RAB6B: variants seen among roughly 807,000 people sequenced by gnomAD.
RAB6B encodes RAB6B, member RAS oncogene family.
RAB6B carries 7 observed loss-of-function variants against 31.2 expected under a neutral mutation model. The ratio of observed to expected loss-of-function variants is 0.22; its 90% confidence interval spans 0.13 to 0.42. RAB6B has a LOEUF of 0.42. Among genes scored for constraint, RAB6B ranks in the 10% least tolerant of loss-of-function variants. The pLI is 1.00. For missense variants in RAB6B, 149 were observed against 280.6 expected (o/e 0.53, Z 3.35); for synonymous variants, 105 against 104.9 (o/e 1.00, Z -0.01).
At position 133,826,615 on chromosome 3, in the gene RAB6B, T is replaced by C. The variant is rs1935567562; in HGVS notation, c.*2173A>G. 6.5e-6 allele frequency: 1 copy of C among 152,678 alleles called. No individual in the cohort carries two copies. Among genetic ancestry groups the C allele is most frequent in the Non-Finnish European group, 1.5e-5 (1 of 68,064 alleles). The allele number at this position is 152,678 out of a possible 1,614,324, so 9.5% of individuals were successfully genotyped here. A position where few individuals can be genotyped will look rare whatever the true frequency, so the allele number is the denominator to read the frequency against. On this transcript the variant is annotated 3_prime_UTR_variant, in exon 8 of 8. Transcript: ENST00000285208. ...CAAGCACCACTTGGGGGTGTGCCCA[T>C]GGTGGGGGGACACTGGCCCACACAG...
rs963708664 is a variant in RAB6B, at chr3:133,828,521, T to A, written c.*267A>T. Reference sequence around the variant, plus strand: ...GTATACACATGATTTAAATTTTTTTTAAATTTTAACAGTTTTTGGCAATCT... The same window carrying A: ...GTATACACATGATTTAAATTTTTTTAAAATTTTAACAGTTTTTGGCAATCT... On this transcript the variant is annotated 3_prime_UTR_variant, in exon 8 of 8. Coordinates refer to ENST00000285208, the MANE Select transcript of RAB6B (RefSeq NM_016577.4). The A allele has an allele frequency of 7.7e-5, 37 of 482,192 alleles. No individual in the cohort carries two copies. Among genetic ancestry groups the A allele is most frequent in the South Asian group, 7.0e-4 (23 of 32,682 alleles). 29.9% of individuals were successfully genotyped at this position (482,192 alleles called of 1,614,324 possible). A position where few individuals can be genotyped will look rare whatever the true frequency, so the allele number is the denominator to read the frequency against.
At chr3:133,862,167 C>G (rs948825629) in intron 2 of RAB6B, among the ~76,000 whole-genome samples, 2 of 151,768 alleles carry the variant, frequency 1.3e-5, no homozygotes, top group Non-Finnish European at 2.9e-5. Context: ...ATGGGGAGGG[C>G]AGTCCTCTCT....
chr3:133,833,306 G>C (rs1324801825), intron 7 of RAB6B, among the ~76,000 whole-genome samples: 2 of 152,102 alleles, frequency 1.3e-5, no homozygotes, highest in Admixed American at 1.3e-4. Flanking sequence ...TCTGTGATTG[G>C]AGTCTCATAA....
intron 6 of RAB6B, among the ~76,000 whole-genome samples, chr3:133,837,081 T>C (rs2692674): frequency 0.85 from 128,548 of 151,902 alleles, 55,366 homozygotes; most frequent in African/African-American, 0.97. Context: ...CCCCTCCCCA[T>C]ACCTCGGGCA....
intron 1 of RAB6B, among the ~76,000 whole-genome samples, chr3:133,894,925 C>G (rs1358870553): frequency 6.6e-6 from 1 of 152,234 alleles, no homozygotes; most frequent in Non-Finnish European, 1.5e-5. Flanking sequence ...AGGGAACACC[C>G]CTCCAGTGCA....
chr3:133,872,960 C>G (rs1267616694), intron 1 of RAB6B, among the ~76,000 whole-genome samples: 1 of 152,106 alleles, frequency 6.6e-6, no homozygotes, highest in Admixed American at 6.5e-5. Flanking sequence ...GACAGTGGCA[C>G]AGGCTGGTCT....
At chr3:133,856,049 C>G (rs1161474208) in intron 2 of RAB6B, among the ~76,000 whole-genome samples, 1 of 151,996 alleles carries the variant, frequency 6.6e-6, no homozygotes, top group Admixed American at 6.5e-5. Flanking sequence ...AGATGAGAAC[C>G]CACAGGCCAC....
At chr3:133,882,384 T>G (rs560527525) in intron 1 of RAB6B, among the ~76,000 whole-genome samples, 1 of 152,324 alleles carries the variant, frequency 6.6e-6, no homozygotes, top group East Asian at 1.9e-4. Flanking sequence ...CCATCTGCAC[T>G]CTGGGGAGGA....
At chr3:133,851,968 C>G (rs985732667) in intron 2 of RAB6B, among the ~76,000 whole-genome samples, 2 of 152,138 alleles carry the variant, frequency 1.3e-5, no homozygotes, top group Non-Finnish European at 2.9e-5. Context: ...TAATGAGAAA[C>G]GACCACACTT....
At chr3:133,866,935 G>T (rs897740348) in intron 1 of RAB6B, among the ~76,000 whole-genome samples, 1 of 152,272 alleles carries the variant, frequency 6.6e-6, no homozygotes, top group Non-Finnish European at 1.5e-5. Context: ...ATGCATCAGG[G>T]ATCAGGGTGG....
intron 1 of RAB6B, among the ~76,000 whole-genome samples, chr3:133,884,326 T>C (rs1936508535): frequency 6.6e-6 from 1 of 152,142 alleles, no homozygotes; most frequent in African/African-American, 2.4e-5. Context: ...GTGCACCAAT[T>C]GACCTGAACA....
chr3:133,872,396 C>T lies in RAB6B; in HGVS notation c.71-7754G>A, dbSNP rs113689430. Among the ~76,000 whole-genome samples the T allele has an allele frequency of 4.5e-3, 686 of 152,378 alleles. 8 individuals carry two copies. The highest frequency in any genetic ancestry group is 0.015 in the African/African-American group (639 of 41,592). ...CTGCACAGGGCCCTTGGGGTGAGGC[C>T]TGCACCATCCCTGTAACCTCTGCTC... On this transcript the variant is annotated intron_variant, in intron 1 of 7. Transcript: ENST00000285208.
chr3:133,861,197 T>A (rs1383424398), intron 2 of RAB6B, among the ~76,000 whole-genome samples: 2 of 152,234 alleles, frequency 1.3e-5, no homozygotes, highest in African/African-American at 4.8e-5. Flanking sequence ...CTATCATAAA[T>A]TTTGAAAATT....
intron 1 of RAB6B, 37 bp downstream of exon 1, chr3:133,895,360 C>A (rs755397821): frequency 6.2e-7 from 1 of 1,601,008 alleles, no homozygotes; most frequent in South Asian, 1.1e-5. Flanking sequence ...CGGGGGTCGA[C>A]TCGGCGACAA....
chr3:133,883,840 T>C (rs992749039), intron 1 of RAB6B, among the ~76,000 whole-genome samples: 1 of 152,248 alleles, frequency 6.6e-6, no homozygotes, highest in African/African-American at 2.4e-5. Flanking sequence ...CAGGCCAAAG[T>C]TGCAGCTCTC....
At chr3:133,851,693 C>G (rs544145259) in intron 2 of RAB6B, among the ~76,000 whole-genome samples, 1 of 152,236 alleles carries the variant, frequency 6.6e-6, no homozygotes, top group South Asian at 2.1e-4. Context: ...GTGGCTTGCA[C>G]GACTGGGAAC....
chr3:133,833,703 T>C (rs1040355502), intron 7 of RAB6B, among the ~76,000 whole-genome samples: 1 of 152,184 alleles, frequency 6.6e-6, no homozygotes, highest in Non-Finnish European at 1.5e-5. Flanking sequence ...CAGAGGCCTA[T>C]AGGATCAGTG....
chr3:133,839,794 G>C (rs114042917), intron 4 of RAB6B, among the ~76,000 whole-genome samples, 177 bp from the exon 5 acceptor site: 1 of 152,152 alleles, frequency 6.6e-6, no homozygotes, highest in Non-Finnish European at 1.5e-5. Context: ...AGAGGGAACC[G>C]GGCCCTGCCC....
At chr3:133,894,205 G>A (rs966274050) in intron 1 of RAB6B, among the ~76,000 whole-genome samples, 1 of 152,218 alleles carries the variant, frequency 6.6e-6, no homozygotes, top group Non-Finnish European at 1.5e-5. Flanking sequence ...GGTCTGCAGA[G>A]GCAGAGCTGG....
Sources: allele counts gnomAD v4.1 joint callset (sites outside exome capture counted in the v4.1 genomes callset), GRCh38; gene constraint gnomAD v4.1.1; transcripts MANE v1.5; gene names NCBI Gene and HGNC (gene_info 2026-07-23, HGNC 2026-07-21).